FERMT2: variants seen among roughly 807,000 people sequenced by gnomAD.
FERMT2 encodes FERM domain containing kindlin 2, also known as fermitin family homolog 2.
In FERMT2, 15 loss-of-function variants were observed where a neutral mutation model predicts 82.7. The ratio of observed to expected loss-of-function variants is 0.18; its 90% CI spans 0.12 to 0.28. The LOEUF (loss-of-function observed/expected upper bound fraction) is 0.28. FERMT2 is among the 10% of genes least tolerant of loss of function. FERMT2 has a pLI of 1.00. For synonymous variants in FERMT2, 274 were observed against 271.5 expected, an observed-to-expected ratio of 1.01 and a Z score of -0.09; for missense variants, 645 against 809.4, an observed-to-expected ratio of 0.80 and a Z score of 2.46.
intron 2 of FERMT2, among the ~76,000 whole-genome samples, chr14:52,945,953 T>C (rs1053217277): frequency 1.3e-5 from 2 of 152,226 alleles, no homozygotes; most frequent in African/African-American, 4.8e-5. Context: ...CTCGGCTCAT[T>C]GCAACCTCCG....
rs567016762 is a variant in FERMT2, at chr14:52,860,846, A to G, written c.1603-381T>C. ...TAATCAGAATGAATACCTGGAATAC[A>G]TGTTTCTAGCAGGAATATTTGTTAG... On this transcript the variant is annotated intron_variant, in intron 12 of 14. Coordinates refer to ENST00000341590, the MANE Select transcript of FERMT2 (RefSeq NM_006832.3). 1.3e-4 allele frequency: 82 copies of G among 652,126 alleles called. No individual in the cohort carries two copies. The African/African-American group carries it at 1.4e-3, about 11-fold the overall frequency. 40.4% of individuals were successfully genotyped at this position (652,126 alleles called of 1,614,324 possible). A position where few individuals can be genotyped will look rare whatever the true frequency, so the allele number is the denominator to read the frequency against.
chr14:52,935,605 A>G (rs1421058154), intron 2 of FERMT2, among the ~76,000 whole-genome samples: 1 of 152,216 alleles, frequency 6.6e-6, no homozygotes, highest in Non-Finnish European at 1.5e-5. Context: ...CCATGCTGAC[A>G]TCCTGATCTT....
At chr14:52,890,440 G>C (rs1279643791) in intron 4 of FERMT2, among the ~76,000 whole-genome samples, 2 of 137,960 alleles carry the variant, frequency 1.4e-5, no homozygotes, top group South Asian at 2.3e-4. Flanking sequence ...GTGACACTCC[G>C]TCTGAAAAAA....
chr14:52,912,532 ACAGAGTCTTACTCTG>A (rs1307005983), intron 3 of FERMT2, among the ~76,000 whole-genome samples: 8 of 144,822 alleles, frequency 5.5e-5, no homozygotes, highest in African/African-American at 2.1e-4. Flanking sequence ...TTTTTTTGAG[ACAGAGTCTTACTCTG>A]TTGCCCAGGC....
chr14:52,927,019 C>T (rs1050780912), intron 2 of FERMT2, among the ~76,000 whole-genome samples: 1 of 152,176 alleles, frequency 6.6e-6, no homozygotes, highest in Non-Finnish European at 1.5e-5. Context: ...CTGACAGACA[C>T]TCAAACTCCT....
At chr14:52,920,458 C>T (rs535297069) in intron 2 of FERMT2, among the ~76,000 whole-genome samples, 1 of 151,796 alleles carries the variant, frequency 6.6e-6, no homozygotes, top group African/African-American at 2.4e-5. Context: ...TGGTGAAGTC[C>T]CATCTCTATA....
At chr14:52,921,742 CAG>C (rs938900171) in intron 2 of FERMT2, among the ~76,000 whole-genome samples, 7 of 151,380 alleles carry the variant, frequency 4.6e-5, no homozygotes, top group Non-Finnish European at 1.0e-4. Context: ...GCTCAGAAAA[CAG>C]GGGAAAAAAA....
At chr14:52,859,315 A>G in intron 14 of FERMT2, 1 of 345,702 alleles carries the variant, frequency 2.9e-6, no homozygotes, top group Non-Finnish European at 5.2e-6. Context: ...CTGCTATTTC[A>G]GAGTAGATCG....
At chr14:52,881,930 T>C in intron 4 of FERMT2, 1 of 455,640 alleles carries the variant, frequency 2.2e-6, no homozygotes, top group Non-Finnish European at 3.8e-6. Context: ...AAAAAACAGA[T>C]TTTCCCTAAT....
chr14:52,865,447 C>G (rs1398630235), intron 10 of FERMT2, among the ~76,000 whole-genome samples: 6 of 152,170 alleles, frequency 3.9e-5, no homozygotes. Context: ...TGAAGTAGAG[C>G]TCTGCAGTCA....
chr14:52,934,511 G>A (rs1889746238), intron 2 of FERMT2, among the ~76,000 whole-genome samples: 1 of 152,172 alleles, frequency 6.6e-6, no homozygotes, highest in Admixed American at 6.5e-5. Flanking sequence ...AAAACATTTT[G>A]TCCTTTGCTC....
chr14:52,913,432 G>A lies in FERMT2; in HGVS notation c.391+5691C>T, dbSNP rs17125890. The stretch of plus-strand genomic sequence containing the variant: ...GCTACCACTTCTGCCACTAGAATGA[G>A]GTATTTGTTATCCTGGCTTGAGTCA... On this transcript the variant is annotated intron_variant, in intron 3 of 14. Transcript: ENST00000341590. Among the ~76,000 whole-genome samples the A allele has an allele frequency of 5.0e-3, 761 of 152,218 alleles. 6 individuals are homozygous for A. The highest frequency in any genetic ancestry group is 0.05 in the East Asian group (256 of 5,166).
chr14:52,868,905 G>A (rs930445146), intron 10 of FERMT2, among the ~76,000 whole-genome samples: 4 of 152,244 alleles, frequency 2.6e-5, no homozygotes, highest in Non-Finnish European at 5.9e-5. Context: ...TGCGGTGCCT[G>A]TGATGAGTGC....
At position 52,886,630 on chromosome 14, in the gene FERMT2, AAC is replaced by A. The variant is rs1447134097; in HGVS notation, c.527-5163_527-5162del. ...TCTCTGCTTTGACACAAATCACTAA[AAC>A]ACTGATCACCAAAAATCAAATTGCA... On this transcript the variant is annotated intron_variant, in intron 4 of 14. Transcript: ENST00000341590. 2.6e-5 allele frequency among the ~76,000 whole-genome samples: 4 copies of A among 152,310 alleles called. No individual in the cohort carries two copies. The East Asian group carries it at 7.7e-4, about 29-fold the overall frequency.
At chr14:52,925,834 G>A (rs1566754411) in intron 2 of FERMT2, among the ~76,000 whole-genome samples, 1 of 152,074 alleles carries the variant, frequency 6.6e-6, no homozygotes, top group East Asian at 1.9e-4. Flanking sequence ...AGTAGAGGCT[G>A]GGTTTCACTC....
chr14:52,907,488 C>G (rs1888081114), intron 3 of FERMT2, among the ~76,000 whole-genome samples: 1 of 152,020 alleles, frequency 6.6e-6, no homozygotes, highest in Non-Finnish European at 1.5e-5. Flanking sequence ...CCATTTTGCT[C>G]ATTTTTAAAT....
intron 1 of FERMT2, 94 bp from the exon 2 acceptor site, chr14:52,950,671 G>A (rs908604819): frequency 1.5e-6 from 2 of 1,316,572 alleles, no homozygotes; most frequent in Non-Finnish European, 2.1e-6. Flanking sequence ...GGGCTGGGAG[G>A]TGGTGGAGGA....
intron 4 of FERMT2, among the ~76,000 whole-genome samples, chr14:52,885,586 C>T (rs181985254): frequency 2.4e-3 from 364 of 152,054 alleles, no homozygotes; most frequent in South Asian, 2.7e-3. Context: ...TACTAAATGA[C>T]ATGGAAAGAT....
At chr14:52,901,609 T>G (rs1887656746) in intron 3 of FERMT2, among the ~76,000 whole-genome samples, 1 of 152,154 alleles carries the variant, frequency 6.6e-6, no homozygotes, top group Non-Finnish European at 1.5e-5. Flanking sequence ...GACCTTGACT[T>G]GCTGTTACTG....
Sources: gnomAD v4.1 joint callset for allele counts (sites outside exome capture counted in the v4.1 genomes callset) on GRCh38, gnomAD v4.1.1 for gene constraint, MANE v1.5 for transcripts, NCBI Gene and HGNC (gene_info 2026-07-23, HGNC 2026-07-21) for gene names.